Variants in STK32B observed in about 807,000 individuals in gnomAD.
The protein encoded by STK32B is serine/threonine-protein kinase 32B.
A neutral mutation model predicts 52.6 loss-of-function variants in STK32B; 43 were observed. That is an observed-to-expected ratio of 0.82 (90% CI 0.64 to 1.05). The LOEUF (loss-of-function observed/expected upper bound fraction) is 1.05, where lower values mean the gene tolerates loss of function less well. Ranked by LOEUF, STK32B falls within the 50% of genes least tolerant of loss-of-function variation. The pLI is 0.00. For synonymous variants in STK32B, 238 were observed against 204.3 expected, an observed-to-expected ratio of 1.17 and a Z score of -1.41; for missense variants, 621 against 534.6, an observed-to-expected ratio of 1.16 and a Z score of -1.59.
intron 3 of STK32B, among the ~76,000 whole-genome samples, chr4:5,266,522 C>T (rs920617851): frequency 2.6e-5 from 4 of 152,128 alleles, no homozygotes; most frequent in Non-Finnish European, 5.9e-5. Flanking sequence ...GTGGCGTGAA[C>T]TCCGGGAAAA....
At position 5,451,302 on chromosome 4, in the gene STK32B, G is replaced by A. The variant is rs143637263; in HGVS notation, c.666+4526G>A. On this transcript the variant is annotated intron_variant, in intron 7 of 11. Coordinates refer to ENST00000282908, the MANE Select transcript of STK32B (RefSeq NM_018401.3). Reference sequence around the variant, plus strand: ...AATGGCTGGAAGGAATAATGTGAGCGCAGGTAGAGAAGTGGAAGCTAGGGC... The same window carrying A: ...AATGGCTGGAAGGAATAATGTGAGCACAGGTAGAGAAGTGGAAGCTAGGGC... 4.7e-3 allele frequency among the ~76,000 whole-genome samples: 716 copies of A among 152,258 alleles called. 7 individuals carry two copies. The highest frequency in any genetic ancestry group is 0.017 in the African/African-American group (694 of 41,536).
At chr4:5,450,485 C>T (rs1386117589) in intron 7 of STK32B, among the ~76,000 whole-genome samples, 2 of 152,184 alleles carry the variant, frequency 1.3e-5, no homozygotes, top group East Asian at 1.9e-4. Context: ...ATCTTTTTCA[C>T]TCTTGAACAG....
intron 11 of STK32B, among the ~76,000 whole-genome samples, chr4:5,494,663 C>G (rs186861295): frequency 1.4e-4 from 21 of 152,276 alleles, no homozygotes; most frequent in African/African-American, 4.6e-4. Flanking sequence ...GCAGTTTCTT[C>G]CTAGCCTCGA....
At chr4:5,414,697 T>C (rs938141034) in intron 5 of STK32B, among the ~76,000 whole-genome samples, 1 of 152,206 alleles carries the variant, frequency 6.6e-6, no homozygotes, top group Non-Finnish European at 1.5e-5. Flanking sequence ...GGATATACAT[T>C]TGCATAAGCA....
intron 4 of STK32B, among the ~76,000 whole-genome samples, chr4:5,351,759 T>C (rs1733839866): frequency 6.6e-6 from 1 of 151,600 alleles, no homozygotes; most frequent in African/African-American, 2.4e-5. Flanking sequence ...AAATCAGAAA[T>C]GACAAAGAAG....
At chr4:5,204,783 G>A (rs954685829) in intron 3 of STK32B, among the ~76,000 whole-genome samples, 32 of 152,146 alleles carry the variant, frequency 2.1e-4, no homozygotes, top group African/African-American at 7.7e-4. Context: ...TGGGTTTTAA[G>A]CAAAATATAG....
intron 3 of STK32B, among the ~76,000 whole-genome samples, chr4:5,235,887 G>C (rs1371052061): frequency 1.3e-5 from 2 of 152,060 alleles, no homozygotes; most frequent in African/African-American, 2.4e-5. Flanking sequence ...GTCTTTCCAG[G>C]GGGAGGCAGC....
chr4:5,046,662 T>G (rs1405628362), upstream of STK32B, among the ~76,000 whole-genome samples: 1 of 151,606 alleles, frequency 6.6e-6, no homozygotes, highest in African/African-American at 2.4e-5. Flanking sequence ...AACAACCACA[T>G]AAAAACTGGG....
intron 3 of STK32B, among the ~76,000 whole-genome samples, chr4:5,188,972 C>A (rs551228164): frequency 6.6e-6 from 1 of 151,802 alleles, no homozygotes; most frequent in Non-Finnish European, 1.5e-5. Context: ...TGTAACAAAC[C>A]TGCACGTTGT....
At chr4:5,154,763 A>G (rs1717657301) in intron 2 of STK32B, among the ~76,000 whole-genome samples, 1 of 152,204 alleles carries the variant, frequency 6.6e-6, no homozygotes, top group Admixed American at 6.5e-5. Flanking sequence ...GGACCTGGTC[A>G]TGCCCATCCG....
At position 5,214,733 on chromosome 4, in the gene STK32B, T is replaced by C. The variant is rs137931119; in HGVS notation, c.260+46283T>C. Reference sequence around the variant, plus strand: ...TTCTTTGGCATTTCCTTTTAGTCTTTTGCTTATTTTCAGAAGATACTGTAT... The same window carrying C: ...TTCTTTGGCATTTCCTTTTAGTCTTCTGCTTATTTTCAGAAGATACTGTAT... On this transcript the variant is annotated intron_variant, in intron 3 of 11. Transcript: ENST00000282908. Among the ~76,000 whole-genome samples the C allele has an allele frequency of 8.2e-4, 125 of 152,358 alleles. 2 individuals are homozygous for C. Among genetic ancestry groups the C allele is most frequent in the African/African-American group, 2.7e-3 (112 of 41,584 alleles).
chr4:5,146,051 GTT>G, intron 2 of STK32B, among the ~76,000 whole-genome samples: 1 of 117,434 alleles, frequency 8.5e-6, no homozygotes, highest in South Asian at 3.2e-4. Flanking sequence ...GGGTCAAGTT[GTT>G]TTTTTTTTTT....
intron 3 of STK32B, among the ~76,000 whole-genome samples, chr4:5,225,415 A>G (rs1175956410): frequency 6.6e-6 from 1 of 152,184 alleles, no homozygotes; most frequent in Admixed American, 6.5e-5. Flanking sequence ...TCGAAAAAAA[A>G]TAAAATAAAA....
chr4:5,128,077 T>C (rs1353213571), intron 1 of STK32B, among the ~76,000 whole-genome samples: 3 of 152,178 alleles, frequency 2.0e-5, no homozygotes, highest in Non-Finnish European at 4.4e-5. Context: ...ATATGTTTAT[T>C]AGCAGCGTGA....
intron 6 of STK32B, among the ~76,000 whole-genome samples, chr4:5,429,790 T>C (rs1346634186): frequency 1.3e-5 from 2 of 152,144 alleles, no homozygotes; most frequent in South Asian, 2.1e-4. Flanking sequence ...GGTTTGCTTA[T>C]ATAAGGAAAA....
rs1285074896 is a variant in STK32B at position 5,317,223 on chromosome 4, A to T, written c.261-13997A>T. ...TATATTATATATATAACATATATAT[A>T]TTATATATAACATATATATATTATA... On this transcript the variant is annotated intron_variant, in intron 3 of 11. Transcript: ENST00000282908. Among the ~76,000 whole-genome samples, 27 of 53,502 alleles carry T rather than the reference A, an allele frequency of 5.0e-4. 5 individuals carry two copies. The highest frequency in any genetic ancestry group is 3.5e-3 in the African/African-American group (18 of 5,136). 35.1% of individuals were successfully genotyped at this position (53,502 alleles called of 152,430 possible). A position where few individuals can be genotyped will look rare whatever the true frequency, so the allele number is the denominator to read the frequency against.
intron 6 of STK32B, among the ~76,000 whole-genome samples, chr4:5,441,038 T>G (rs4404489): frequency 0.16 from 24,001 of 149,702 alleles, 2,159 homozygotes; most frequent in East Asian, 0.34. Flanking sequence ...TGCATCAATG[T>G]TCATCAAGGA....
In STK32B at chr4:5,381,413, C is replaced by T. The variant is rs570358947; in HGVS notation, c.435-16794C>T. 4.8e-4 allele frequency among the ~76,000 whole-genome samples: 73 copies of T among 152,306 alleles called. 2 individuals are homozygous for T. Among genetic ancestry groups the T allele is most frequent in the South Asian group, 1.9e-3 (9 of 4,824 alleles). On this transcript the variant is annotated intron_variant, in intron 4 of 11. Coordinates refer to ENST00000282908, the MANE Select transcript of STK32B (RefSeq NM_018401.3). ...GAGCATTTTCTCATGGTATCTTCAG[C>T]TGAGCACCAACCAAGACAGCAGCTG...
chr4:5,412,949 T>A (rs1265346422), intron 5 of STK32B, among the ~76,000 whole-genome samples: 2 of 152,086 alleles, frequency 1.3e-5, no homozygotes, highest in African/African-American at 4.8e-5. Context: ...CATTTTTCCC[T>A]TCCCTTCCTG....
Sources: gnomAD v4.1 joint callset for allele counts (sites outside exome capture counted in the v4.1 genomes callset) on GRCh38, gnomAD v4.1.1 for gene constraint, MANE v1.5 for transcripts, NCBI Gene and HGNC (gene_info 2026-07-23, HGNC 2026-07-21) for gene names.